The following TMPRSS11F variants were observed in gnomAD, a reference collection of about 807,000 sequenced individuals.
TMPRSS11F encodes the protein transmembrane serine protease 11F, also known as transmembrane protease serine 11F.
In TMPRSS11F, 47 loss-of-function variants were observed where a neutral mutation model predicts 60.2. That is an observed-to-expected ratio of 0.78 (90% confidence interval 0.62 to 1.00). TMPRSS11F has a LOEUF of 1.00. Ranked by LOEUF, TMPRSS11F falls within the 50% of genes least tolerant of loss-of-function variation. The probability of loss-of-function intolerance (pLI) is 0.00; values close to 1 mark genes in which losing one functional copy is unlikely to be tolerated. For missense variants in TMPRSS11F, 519 were observed against 522.9 expected (o/e 0.99, Z 0.07); for synonymous variants, 166 against 167.3 (o/e 0.99, Z 0.06).
At position 68,121,897 on chromosome 4, in the gene TMPRSS11F, T is replaced by G. The variant is rs541271825; in HGVS notation, c.11+7913A>C. On this transcript the variant is annotated intron_variant, in intron 1 of 9. Transcript: ENST00000356291. ...AATCGGTATGTTACAGTGCTGCATA[T>G]GAAGACCTTTGAGAGCTTCTCATTC... 3.1e-4 allele frequency among the ~76,000 whole-genome samples: 47 copies of G among 152,230 alleles called. 1 individual carries two copies. The highest frequency in any genetic ancestry group is 5.4e-4 in the Non-Finnish European group (37 of 68,036).
intron 6 of TMPRSS11F, 30 bp from the exon 7 acceptor site, chr4:68,068,849 T>A: frequency 6.2e-7 from 1 of 1,608,742 alleles, no homozygotes; most frequent in Non-Finnish European, 8.5e-7. Flanking sequence ...TCATTCATAT[T>A]CATAAAAAGG....
intron 1 of TMPRSS11F, among the ~76,000 whole-genome samples, chr4:68,109,500 TAA>T (rs1724366401): frequency 6.6e-6 from 1 of 152,196 alleles, no homozygotes; most frequent in Non-Finnish European, 1.5e-5. Context: ...AAAAATTTTA[TAA>T]GTCTGCTTCT....
intron 5 of TMPRSS11F, among the ~76,000 whole-genome samples, chr4:68,071,404 G>A (rs1435417819): frequency 1.3e-5 from 2 of 152,098 alleles, no homozygotes; most frequent in African/African-American, 4.8e-5. Context: ...AGTCTTTTGG[G>A]TCCAAAATAC....
chr4:68,084,215 AAG>A (rs1237852596), intron 3 of TMPRSS11F, among the ~76,000 whole-genome samples: 1 of 152,184 alleles, frequency 6.6e-6, no homozygotes, highest in East Asian at 1.9e-4. Context: ...GATATACAAG[AAG>A]AGAGAGGAAC....
chr4:68,056,861 T>C (rs571304451), intron 9 of TMPRSS11F, among the ~76,000 whole-genome samples: 9 of 152,234 alleles, frequency 5.9e-5, no homozygotes, highest in African/African-American at 1.9e-4. Context: ...TGGAATAGAA[T>C]AGAAAGCCAG....
chr4:68,129,831 C>G lies in TMPRSS11F; in HGVS notation c.-11G>C. ...TTACGCGTACATCATGAACCCAGGA[C>G]TGGGGCAGCTTCTATTCAGTCACCA... On this transcript the variant is annotated 5_prime_UTR_variant, in exon 1 of 10. Transcript: ENST00000356291. 6.2e-7 allele frequency: 1 copy of G among 1,613,392 alleles called. No individual in the cohort carries two copies.
intron 1 of TMPRSS11F, among the ~76,000 whole-genome samples, chr4:68,124,945 A>ATTTTTTT (rs370189875): frequency 0.017 from 1,578 of 94,034 alleles, 124 homozygotes; most frequent in Admixed American, 0.09. Context: ...CTAAACCAGC[A>ATTTTTTT]TTTTTTTTTT....
At chr4:68,120,129 T>C (rs954922489) in intron 1 of TMPRSS11F, among the ~76,000 whole-genome samples, 1 of 152,160 alleles carries the variant, frequency 6.6e-6, no homozygotes, top group Non-Finnish European at 1.5e-5. Context: ...AATCTCATGA[T>C]AAAACTTGAA....
chr4:68,062,489 ATGT>A (rs1409647810), intron 8 of TMPRSS11F: 5 of 690,956 alleles, frequency 7.2e-6, no homozygotes, highest in Non-Finnish European at 1.1e-5. Flanking sequence ...AGAAACAGTA[ATGT>A]TGTAATTAGA....
In TMPRSS11F at chr4:68,099,013, A is replaced by G; in HGVS notation, c.37T>C (p.Phe13Leu). ...YAPVEFSEAE[F>L]SRAEYQRKQQ... Reference sequence around the variant, plus strand: ...TTTCTTTGATATTCAGCTCGTGAGAATTCAGCTTCTGAAAATTCAACAGGT... The same window carrying G: ...TTTCTTTGATATTCAGCTCGTGAGAGTTCAGCTTCTGAAAATTCAACAGGT... Residue 13 changes from phenylalanine to leucine, a missense_variant, in exon 2 of 10, where the codon TTC (phenylalanine) becomes CTC (leucine). Phe to Leu is a conservative substitution (Grantham distance 22). Transcript: ENST00000356291. 1 of 1,612,912 alleles carries G rather than the reference A, an allele frequency of 6.2e-7. No individual in the cohort carries two copies. The highest frequency in any genetic ancestry group is 2.2e-5 in the East Asian group (1 of 44,828).
At chr4:68,063,063 T>A (rs754518740) in intron 8 of TMPRSS11F, 1 of 654,478 alleles carries the variant, frequency 1.5e-6, no homozygotes, top group Non-Finnish European at 3.0e-6. Flanking sequence ...TTGTGAATTG[T>A]TCCTTGTACT....
chr4:68,078,758 A>T (rs1165334296), intron 3 of TMPRSS11F, among the ~76,000 whole-genome samples: 1 of 152,128 alleles, frequency 6.6e-6, no homozygotes, highest in Admixed American at 6.5e-5. Context: ...GACCTCACAT[A>T]TTTGGGTCAT....
chr4:68,099,376 A>G (rs967885622), intron 1 of TMPRSS11F, among the ~76,000 whole-genome samples: 7 of 152,264 alleles, frequency 4.6e-5, no homozygotes, highest in African/African-American at 1.7e-4. Context: ...TAACCTTAAC[A>G]ATTTCTTAAT....
chr4:68,068,762 T>G lies in TMPRSS11F; in HGVS notation c.611A>C (p.Gln204Pro), dbSNP rs752677216. The G allele has an allele frequency of 2.5e-6, 4 of 1,614,190 alleles. No individual in the cohort carries two copies. Among genetic ancestry groups the G allele is most frequent in the South Asian group, 1.1e-5 (1 of 91,082 alleles). Residue 204 changes from glutamine to proline, a missense_variant, in exon 7 of 10, where the codon CAA (glutamine) becomes CCA (proline). Transcript: ENST00000356291. ...TGTTTCCCTTCCTTGGACAATTCTT[T>G]GAGTAGAAGAGGATGCTGGTAATGG... Reference protein sequence around the residue: ...NMPLPASSSTQRIVQGRETAM... With the variant: ...NMPLPASSSTPRIVQGRETAM...
intron 9 of TMPRSS11F, 117 bp downstream of exon 9, chr4:68,059,209 T>A (rs1723105349): frequency 1.0e-6 from 1 of 998,994 alleles, no homozygotes; most frequent in East Asian, 2.6e-5. Flanking sequence ...TTAAATAAAG[T>A]CAGTTCTCGG....
rs61224244 is a variant in TMPRSS11F at position 68,072,226 on chromosome 4, A to ATATATAT, written c.514+96_514+97insATATATA. On this transcript the variant is annotated intron_variant, in intron 5 of 9. Transcript: ENST00000356291. Reference sequence around the variant, plus strand: ...ATATATATATATATATCTTCCAAAAAAAAAATATATATATATATATATATT... The same window carrying ATATATAT: ...ATATATATATATATATCTTCCAAAAATATATATAAAAATATATATATATATATATATT... The ATATATAT allele has an allele frequency of 7.6e-3, 607 of 79,414 alleles. 87 individuals are homozygous for ATATATAT. The highest frequency in any genetic ancestry group is 8.7e-3 in the African/African-American group (187 of 21,580). 4.9% of individuals were successfully genotyped at this position (79,414 alleles called of 1,614,324 possible).
At chr4:68,120,725 G>C (rs1009146641) in intron 1 of TMPRSS11F, among the ~76,000 whole-genome samples, 14 of 151,532 alleles carry the variant, frequency 9.2e-5, no homozygotes, top group African/African-American at 2.9e-4. Flanking sequence ...TATGAAACAA[G>C]CTTCATTGTC....
At chr4:68,074,860 GC>G (rs1723551460) in intron 3 of TMPRSS11F, among the ~76,000 whole-genome samples, 1 of 152,192 alleles carries the variant, frequency 6.6e-6, no homozygotes, top group Non-Finnish European at 1.5e-5. Context: ...ACTTTGGGAG[GC>G]CAAGGTGGAT....
chr4:68,081,899 T>C (rs769870709), intron 3 of TMPRSS11F, among the ~76,000 whole-genome samples: 4 of 152,164 alleles, frequency 2.6e-5, no homozygotes, highest in East Asian at 1.9e-4. Flanking sequence ...AAAGTGGATA[T>C]GTTTCACTCA....
Sources: allele counts gnomAD v4.1 joint callset (sites outside exome capture counted in the v4.1 genomes callset), GRCh38; gene constraint gnomAD v4.1.1; transcripts MANE v1.5; gene names NCBI Gene and HGNC (gene_info 2026-07-23, HGNC 2026-07-21).